KDSR: variants seen among roughly 807,000 people sequenced by gnomAD.
The protein encoded by KDSR is 3-ketodihydrosphingosine reductase.
A neutral mutation model predicts 41.3 loss-of-function variants in KDSR; 23 were observed. The observed-to-expected ratio is 0.56, with a 90% CI of 0.40 to 0.79. The LOEUF (loss-of-function observed/expected upper bound fraction) is 0.79, where lower values mean the gene tolerates loss of function less well. Among genes scored for constraint, KDSR ranks in the 30% least tolerant of loss-of-function variants. The pLI, the probability that KDSR is intolerant of heterozygous loss-of-function variation, is 0.00. For missense variants in KDSR, 351 were observed against 416.8 expected, an observed-to-expected ratio of 0.84 and a Z score of 1.37; for synonymous variants, 138 against 151.7, an observed-to-expected ratio of 0.91 and a Z score of 0.66.
chr18:63,353,441 A>C (rs558650378), intron 5 of KDSR, among the ~76,000 whole-genome samples: 1 of 152,288 alleles, frequency 6.6e-6, no homozygotes, highest in South Asian at 2.1e-4. Flanking sequence ...GGAGAAACTA[A>C]AAAGCCAGAT....
chr18:63,344,427 C>T lies in KDSR; in HGVS notation c.676G>A (p.Glu226Lys), dbSNP rs777099666. 8.7e-6 allele frequency: 14 copies of T among 1,613,342 alleles called. No homozygotes were observed. Among genetic ancestry groups the T allele is most frequent in the Admixed American group, 6.7e-5 (4 of 60,006 alleles). Residue 226 changes from glutamate to lysine, a missense_variant, in exon 7 of 10, where the codon GAA becomes AAA. Transcript: ENST00000645214. ...ATACTGACCTTTGTTCTGTTTTCTTCGGCAAAGCCAGGTGTGTCTGTGTCT... is the reference window on the plus strand; with the variant it reads ...ATACTGACCTTTGTTCTGTTTTCTTTGGCAAAGCCAGGTGTGTCTGTGTCT... Reference protein sequence around the residue: ...PPDTDTPGFAEENRTKPLETR... With the variant: ...PPDTDTPGFAKENRTKPLETR...
chr18:63,361,209 CAAAAAAAAAAAAA>C (rs71162630), intron 2 of KDSR, among the ~76,000 whole-genome samples: 29 of 15,524 alleles, frequency 1.9e-3, no homozygotes, highest in African/African-American at 3.7e-3. Context: ...AACTCCGTCT[CAAAAAAAAAAAAA>C]AAAAAAAAAA....
intron 5 of KDSR, among the ~76,000 whole-genome samples, chr18:63,352,460 G>A (rs906131364): frequency 1.3e-5 from 2 of 152,078 alleles, no homozygotes; most frequent in South Asian, 2.1e-4. Context: ...GATTACAGGC[G>A]CCAGCCACCA....
chr18:63,347,707 G>A (rs1914551555), intron 6 of KDSR, among the ~76,000 whole-genome samples: 2 of 152,038 alleles, frequency 1.3e-5, no homozygotes, highest in African/African-American at 4.8e-5. Context: ...GGTAAGAAAA[G>A]CAGAAAAGGG....
chr18:63,367,151 G>C lies in KDSR; in HGVS notation c.-33C>G. ...CGGGGCCAGGGGCCCGGAGCGGCCG[G>C]GCGGGGGCCGCCGGGCAAGGCGCGC... On this transcript the variant is annotated 5_prime_UTR_variant, in exon 1 of 10. Transcript: ENST00000645214. 1 of 1,186,096 alleles carries C rather than the reference G, an allele frequency of 8.4e-7. No individual in the cohort carries two copies. The highest frequency in any genetic ancestry group is 1.1e-6 in the Non-Finnish European group (1 of 929,188). The allele number at this position is 1,186,096 out of a possible 1,614,324, so 73.5% of individuals were successfully genotyped here.
At position 63,363,298 on chromosome 18, in the gene KDSR, G is replaced by A. The variant is rs1599341513; in HGVS notation, c.109-430C>T. The stretch of plus-strand genomic sequence containing the variant: ...AGGTTAGTTACATATGTATACATGT[G>A]CCATGCTGGTGCACTGCACCCACTA... On this transcript the variant is annotated intron_variant, in intron 1 of 9. Transcript: ENST00000645214. Among the ~76,000 whole-genome samples, 8 of 134,946 alleles carry A rather than the reference G, an allele frequency of 5.9e-5. No individual in the cohort carries two copies. In the South Asian group the frequency reaches 2.0e-3, roughly 34 times the overall value. 88.5% of individuals were successfully genotyped at this position (134,946 alleles called of 152,430 possible). A position where few individuals can be genotyped will look rare whatever the true frequency, so the allele number is the denominator to read the frequency against.
rs929810601 is a variant in KDSR, at chr18:63,331,388, A to C, written c.*394T>G. On this transcript the variant is annotated 3_prime_UTR_variant, in exon 10 of 10. Coordinates refer to ENST00000645214, the MANE Select transcript of KDSR (RefSeq NM_002035.4). ...TTGTTTTTTTATGGAAGGTTTAAAC[A>C]AAGTCCTCAAGATTTCTTTATGTGC... is the stretch of plus-strand genomic sequence containing the variant. 1.3e-5 allele frequency: 3 copies of C among 234,172 alleles called. No individual in the cohort carries two copies. Among genetic ancestry groups the C allele is most frequent in the African/African-American group, 6.6e-5 (3 of 45,398 alleles). The allele number at this position is 234,172 out of a possible 1,614,324, so 14.5% of individuals were successfully genotyped here. A position where few individuals can be genotyped will look rare whatever the true frequency, so the allele number is the denominator to read the frequency against.
chr18:63,361,819 A>T (rs1914997566), intron 2 of KDSR, among the ~76,000 whole-genome samples: 1 of 152,184 alleles, frequency 6.6e-6, no homozygotes. Flanking sequence ...TGTCTCAAGA[A>T]AAAAGAAAAA....
In KDSR at chr18:63,330,389, T is replaced by C. The variant is rs1913944470; in HGVS notation, c.*1393A>G. On this transcript the variant is annotated 3_prime_UTR_variant, in exon 10 of 10. Coordinates refer to ENST00000645214, the MANE Select transcript of KDSR (RefSeq NM_002035.4). ...CCTCAAGTCAGAGGAGTGTGAACAATGAGCAGGATGCAACGGGGAATGTTG... is the reference window on the plus strand; with the variant it reads ...CCTCAAGTCAGAGGAGTGTGAACAACGAGCAGGATGCAACGGGGAATGTTG... 8.8e-6 allele frequency: 2 copies of C among 228,030 alleles called. No homozygotes were observed. The highest frequency in any genetic ancestry group is 1.8e-4 in the South Asian group (1 of 5,488). The allele number at this position is 228,030 out of a possible 1,614,324, so 14.1% of individuals were successfully genotyped here.
In KDSR at chr18:63,330,344, A is replaced by T. The variant is rs1196732517; in HGVS notation, c.*1438T>A. ...ATATGCAAGGAAGACAGGTTACAAGATCAAGGTGAAGGCAGCTCTCCTCAA... is the reference window on the plus strand; with the variant it reads ...ATATGCAAGGAAGACAGGTTACAAGTTCAAGGTGAAGGCAGCTCTCCTCAA... On this transcript the variant is annotated 3_prime_UTR_variant, in exon 10 of 10. Transcript: ENST00000645214. 1 of 225,570 alleles carries T rather than the reference A, an allele frequency of 4.4e-6. No homozygotes were observed. The highest frequency in any genetic ancestry group is 2.2e-5 in the African/African-American group (1 of 45,038). The allele number at this position is 225,570 out of a possible 1,614,324, so 14.0% of individuals were successfully genotyped here. A position where few individuals can be genotyped will look rare whatever the true frequency, so the allele number is the denominator to read the frequency against.
chr18:63,337,291 T>C (rs934344636), intron 8 of KDSR, among the ~76,000 whole-genome samples: 1 of 151,938 alleles, frequency 6.6e-6, no homozygotes, highest in East Asian at 1.9e-4. Context: ...AATTTTTGTA[T>C]TTTTAGTAGA....
chr18:63,337,056 TTATATATATGTGACTTTATATA>T (rs1914180375), intron 8 of KDSR, among the ~76,000 whole-genome samples: 1 of 145,622 alleles, frequency 6.9e-6, no homozygotes, highest in Non-Finnish European at 1.5e-5. Flanking sequence ...AAAAGTCACT[TTATATATATGTGACTTTATATA>T]TATATATATG....
chr18:63,364,748 C>A (rs56196339), intron 1 of KDSR, among the ~76,000 whole-genome samples: 2 of 152,116 alleles, frequency 1.3e-5, no homozygotes, highest in African/African-American at 2.4e-5. Flanking sequence ...CCGGCCATAT[C>A]GTTCTAGTCA....
intron 2 of KDSR, among the ~76,000 whole-genome samples, chr18:63,361,154 GA>G: frequency 8.6e-6 from 1 of 115,824 alleles, no homozygotes; most frequent in East Asian, 3.0e-4. Flanking sequence ...AGGTTGCAGT[GA>G]GCCAAGACAG....
chr18:63,332,132 C>T (rs1914021602), intron 9 of KDSR, among the ~76,000 whole-genome samples: 1 of 152,208 alleles, frequency 6.6e-6, no homozygotes, highest in African/African-American at 2.4e-5. Flanking sequence ...AAATTCAAAC[C>T]ATAAGCAGAA....
intron 3 of KDSR, among the ~76,000 whole-genome samples, chr18:63,358,127 T>C (rs191839550): frequency 4.7e-4 from 71 of 152,248 alleles, no homozygotes; most frequent in East Asian, 7.7e-4. Flanking sequence ...ATTGTGCCAC[T>C]GCACTCCAGA....
chr18:63,342,105 G>C (rs1469206160), intron 7 of KDSR, among the ~76,000 whole-genome samples: 1 of 150,624 alleles, frequency 6.6e-6, no homozygotes, highest in Non-Finnish European at 1.5e-5. Context: ...GGAGGCAGAG[G>C]TTGCAGTGAG....
chr18:63,354,389 C>A (rs1424007305), intron 5 of KDSR, among the ~76,000 whole-genome samples: 1 of 152,170 alleles, frequency 6.6e-6, no homozygotes. Flanking sequence ...CATTTCAGGC[C>A]GGGCCTGGTG....
chr18:63,360,535 G>C (rs79360370), intron 2 of KDSR, among the ~76,000 whole-genome samples: 161 of 152,264 alleles, frequency 1.1e-3, no homozygotes, highest in African/African-American at 3.8e-3. Flanking sequence ...TATGACTAAA[G>C]ATACATACAG....
Sources: gnomAD v4.1 joint callset for allele counts (sites outside exome capture counted in the v4.1 genomes callset) on GRCh38, gnomAD v4.1.1 for gene constraint, MANE v1.5 for transcripts, NCBI Gene and HGNC (gene_info 2026-07-23, HGNC 2026-07-21) for gene names.